Variants in TMEM168 observed in about 807,000 individuals in gnomAD.
The protein encoded by TMEM168 is transmembrane protein 168.
In TMEM168, 40 loss-of-function variants were observed where a neutral mutation model predicts 53.2. The ratio of observed to expected loss-of-function variants is 0.75; its 90% confidence interval spans 0.58 to 0.98. The LOEUF is 0.98. Ranked by LOEUF, TMEM168 falls within the 50% of genes least tolerant of loss-of-function variation. The pLI is 0.00. For missense variants in TMEM168, 771 were observed against 828.8 expected (o/e 0.93, Z 0.86); for synonymous variants, 282 against 293.0 (o/e 0.96, Z 0.38).
At chr7:112,780,965 ACGGG>A (rs1407591909) in intron 2 of TMEM168, among the ~76,000 whole-genome samples, 1 of 147,918 alleles carries the variant, frequency 6.8e-6, no homozygotes, top group African/African-American at 2.6e-5. Flanking sequence ...AAAAAAAAAA[ACGGG>A]GGCACAGATA....
Position 112,784,567 on chromosome 7 carries a change from T to C in TMEM168, c.259A>G (p.Met87Val), listed in dbSNP as rs142482193. Residue 87 changes from methionine to valine, a missense_variant, in exon 2 of 5, where the codon ATG (methionine) becomes GTG (valine). Coordinates refer to ENST00000312814, the MANE Select transcript of TMEM168 (RefSeq NM_022484.6). ...IASILYYYFS[M>V]EAASLSLSNL... ...GAGAGACTTAAACTTGCTGCTTCCA[T>C]TGAAAAATAGTAATAGAGTATGCTG... 9.3e-6 allele frequency: 15 copies of C among 1,613,904 alleles called. No homozygotes were observed. The highest frequency in any genetic ancestry group is 8.0e-5 in the African/African-American group (6 of 74,892).
chr7:112,772,844 G>A lies in TMEM168; in HGVS notation c.1483C>T (p.His495Tyr), dbSNP rs981218449. Residue 495 changes from histidine to tyrosine, a missense_variant, in exon 4 of 5, where the codon CAT becomes TAT. Physicochemically the swap from His to Tyr is moderately conservative, Grantham distance 83. Transcript: ENST00000312814. ...LELRTVDGPR[H>Y]DTYILYYSGH... is the part of the protein sequence containing the mutation. ...CTGTAATACAAAATATACGTATCAT[G>A]TCTGGGTCCATCCACTGTCCGAAGT... is the stretch of plus-strand genomic sequence containing the variant. 7 of 1,613,960 alleles carry A rather than the reference G, an allele frequency of 4.3e-6. No individual in the cohort carries two copies. The Admixed American group carries it at 1.0e-4, about 23-fold the overall frequency.
chr7:112,785,754 A>G (rs1017967209), intron 1 of TMEM168, among the ~76,000 whole-genome samples: 1 of 152,220 alleles, frequency 6.6e-6, no homozygotes, highest in African/African-American at 2.4e-5. Context: ...TGGACCCACG[A>G]AATTAAAGCT....
At chr7:112,769,638 A>T (rs1186793531) in intron 4 of TMEM168, among the ~76,000 whole-genome samples, 1 of 152,194 alleles carries the variant, frequency 6.6e-6, no homozygotes, top group Non-Finnish European at 1.5e-5. Context: ...GTTCTATGCT[A>T]CATTTGGCTT....
At chr7:112,787,798 T>C (rs2116317253) in intron 1 of TMEM168, among the ~76,000 whole-genome samples, 1 of 134,454 alleles carries the variant, frequency 7.4e-6, no homozygotes, top group South Asian at 2.6e-4. Flanking sequence ...AATGGAGCGA[T>C]CTCGGCTCAC....
chr7:112,777,797 C>T (rs764278906), intron 2 of TMEM168, among the ~76,000 whole-genome samples: 3 of 151,666 alleles, frequency 2.0e-5, no homozygotes, highest in Non-Finnish European at 4.4e-5. Context: ...ACTTTTGCAA[C>T]TTAGCATGAT....
intron 2 of TMEM168, among the ~76,000 whole-genome samples, chr7:112,780,141 C>T (rs377317696): frequency 5.9e-5 from 9 of 152,260 alleles, no homozygotes; most frequent in African/African-American, 1.4e-4. Flanking sequence ...ACCCAAGCTT[C>T]GGAGTTAGAC....
Position 112,772,794 on chromosome 7 carries a change from C to A in TMEM168, c.1533G>T (p.Glu511Asp). The change falls in exon 4 of 5, where the codon GAG becomes GAT. Residue 511 changes from glutamate to aspartate, a missense_variant. Transcript: ENST00000312814. Reference sequence around the variant, plus strand: ...AGGTGAGTTTACCTGCTAGAGCCCACTCTCCTGTACCATGGGTGTGCCCAC... The same window carrying A: ...AGGTGAGTTTACCTGCTAGAGCCCAATCTCCTGTACCATGGGTGTGCCCAC... ...YYSGHTHGTG[E>D]WALAGGDTLR... The A allele has an allele frequency of 1.2e-6, 2 of 1,611,558 alleles. No individual in the cohort carries two copies.
At position 112,767,787 on chromosome 7, in the gene TMEM168, C is replaced by A. The variant is rs762333775; in HGVS notation, c.1547-43G>T. On this transcript the variant is annotated intron_variant, in intron 4 of 4. Coordinates refer to ENST00000312814, the MANE Select transcript of TMEM168 (RefSeq NM_022484.6). ...TTCAATGGAGCAATAATTTCTGCAG[C>A]CTCTCATTAAGAAAACCCTCTTAAT... is the stretch of plus-strand genomic sequence containing the variant. The A allele has an allele frequency of 9.9e-6, 15 of 1,519,378 alleles. No homozygotes were observed. The East Asian group carries it at 3.2e-4, about 32-fold the overall frequency. The allele number at this position is 1,519,378 out of a possible 1,614,324, so 94.1% of individuals were successfully genotyped here.
intron 2 of TMEM168, among the ~76,000 whole-genome samples, chr7:112,783,160 G>C (rs1419326173): frequency 6.6e-6 from 1 of 152,154 alleles, no homozygotes; most frequent in African/African-American, 2.4e-5. Context: ...TTCTTTCTTA[G>C]GATAACCTCT....
chr7:112,787,093 A>C (rs1793402854), intron 1 of TMEM168, among the ~76,000 whole-genome samples: 1 of 152,166 alleles, frequency 6.6e-6, no homozygotes, highest in Non-Finnish European at 1.5e-5. Flanking sequence ...CTTTTATTTT[A>C]TCCATTAGTA....
Position 112,766,452 on chromosome 7 carries a change from C to T in TMEM168, c.*745G>A, listed in dbSNP as rs1227176. 62,812 of 152,444 alleles carry T rather than the reference C, an allele frequency of 0.41. 16,343 individuals carry two copies. The highest frequency in any genetic ancestry group is 0.74 in the African/African-American group (30,666 of 41,464). The allele number at this position is 152,444 out of a possible 1,614,324, so 9.4% of individuals were successfully genotyped here. A position where few individuals can be genotyped will look rare whatever the true frequency, so the allele number is the denominator to read the frequency against. ...TTGGAAGAATTTGTAGCTGGAAACA[C>T]TGTTCATTAAGAAAACATTAAGTTA... On this transcript the variant is annotated 3_prime_UTR_variant, in exon 5 of 5. Transcript: ENST00000312814.
At chr7:112,770,666 A>G (rs973000474) in intron 4 of TMEM168, among the ~76,000 whole-genome samples, 13 of 152,162 alleles carry the variant, frequency 8.5e-5, no homozygotes, top group African/African-American at 3.1e-4. Flanking sequence ...AAAAGCTGAT[A>G]TAAGTATTAG....
chr7:112,772,168 G>GT (rs1562861910), intron 4 of TMEM168, among the ~76,000 whole-genome samples: 1 of 152,032 alleles, frequency 6.6e-6, no homozygotes, highest in African/African-American at 2.4e-5. Flanking sequence ...GTTATTTTAT[G>GT]TTTTTTCAAA....
chr7:112,768,752 C>T (rs947753965), intron 4 of TMEM168, among the ~76,000 whole-genome samples: 10 of 151,978 alleles, frequency 6.6e-5, no homozygotes, highest in African/African-American at 2.2e-4. Flanking sequence ...ACACTGATAA[C>T]GATCATTCCA....
At chr7:112,788,490 T>G (rs1186984638) in intron 1 of TMEM168, 4 of 152,230 alleles carry the variant, frequency 2.6e-5, no homozygotes. Context: ...CAGATTGTTT[T>G]TAAATGGCTA....
In TMEM168 at chr7:112,767,742, C is replaced by A; in HGVS notation, c.1549G>T (p.Gly517Ter). The change falls in exon 5 of 5, where the codon GGA becomes TGA. Residue 517 changes from glycine to a stop codon, truncating the protein, a stop_gained and splice_region_variant. Transcript: ENST00000312814. LOFTEE classifies it high-confidence loss of function. The part of the protein sequence containing the change: ...HGTGEWALAG[G>*]DTLRLDTLIE... ...AGTGTGTCAAGGCGTAGTGTATCTC[C>A]ACCTGTGAACAAGAGAAAATTCAAT... 1.3e-6 allele frequency: 2 copies of A among 1,592,378 alleles called. No individual in the cohort carries two copies. The highest frequency in any genetic ancestry group is 8.5e-7 in the Non-Finnish European group (1 of 1,172,016).
chr7:112,788,568 A>AC (rs1318175250), intron 1 of TMEM168: 5 of 152,218 alleles, frequency 3.3e-5, no homozygotes, highest in African/African-American at 1.2e-4. Context: ...TAACAGAAAA[A>AC]CATTACATTC....
intron 2 of TMEM168, among the ~76,000 whole-genome samples, chr7:112,781,293 A>T (rs1375084780): frequency 6.6e-6 from 1 of 152,166 alleles, no homozygotes; most frequent in African/African-American, 2.4e-5. Context: ...AGTACACTGT[A>T]CCCAACAACA....
Sources: gnomAD v4.1 joint callset for allele counts (sites outside exome capture counted in the v4.1 genomes callset) on GRCh38, gnomAD v4.1.1 for gene constraint, MANE v1.5 for transcripts, NCBI Gene and HGNC (gene_info 2026-07-23, HGNC 2026-07-21) for gene names.